The following PRKG1 variants were observed in gnomAD, a reference collection of about 807,000 sequenced individuals.
The protein encoded by PRKG1 is protein kinase cGMP-dependent 1.
PRKG1 carries 35 observed loss-of-function variants against 88.1 expected under a neutral mutation model. That is an observed-to-expected ratio of 0.40 (90% CI 0.30 to 0.53). PRKG1 has a LOEUF of 0.53. Among genes scored for constraint, PRKG1 ranks in the 20% least tolerant of loss-of-function variants. PRKG1 has a pLI of 0.59. For synonymous variants in PRKG1, 303 were observed against 292.5 expected, an observed-to-expected ratio of 1.04 and a Z score of -0.37; for missense variants, 540 against 839.8, an observed-to-expected ratio of 0.64 and a Z score of 4.41.
intron 2 of PRKG1, among the ~76,000 whole-genome samples, chr10:51,235,312 T>A (rs532906501): frequency 8.0e-4 from 122 of 152,340 alleles, no homozygotes; most frequent in African/African-American, 2.9e-3. Flanking sequence ...TTGGACACAA[T>A]GGCAGATTTT....
chr10:52,070,613 C>T (rs963659935), intron 7 of PRKG1, among the ~76,000 whole-genome samples: 4 of 152,060 alleles, frequency 2.6e-5, no homozygotes, highest in African/African-American at 7.2e-5. Context: ...CTTTTAGTGG[C>T]CTAGACCTAA....
chr10:52,246,876 CAAA>C (rs756775020), intron 9 of PRKG1, among the ~76,000 whole-genome samples: 1 of 57,222 alleles, frequency 1.7e-5, no homozygotes, highest in Non-Finnish European at 3.2e-5. Context: ...AACACAGTCT[CAAA>C]AAAAAAAAAA....
chr10:52,157,054 A>G (rs910411439), intron 8 of PRKG1, among the ~76,000 whole-genome samples: 1 of 151,402 alleles, frequency 6.6e-6, no homozygotes, highest in African/African-American at 2.4e-5. Context: ...AAATGTAAAA[A>G]AGAAAAAATC....
chr10:51,234,497 G>A (rs1015801336), intron 2 of PRKG1, among the ~76,000 whole-genome samples: 46 of 152,104 alleles, frequency 3.0e-4, no homozygotes, highest in South Asian at 2.1e-4. Flanking sequence ...ATCAGCCTTA[G>A]ATTTGATAGC....
chr10:51,820,414 G>A (rs1394901476), intron 4 of PRKG1, among the ~76,000 whole-genome samples: 1 of 152,180 alleles, frequency 6.6e-6, no homozygotes, highest in Non-Finnish European at 1.5e-5. Flanking sequence ...GCATTAGAAT[G>A]AAAGACAACA....
intron 3 of PRKG1, among the ~76,000 whole-genome samples, chr10:51,739,095 T>G (rs1837366148): frequency 6.6e-6 from 1 of 152,238 alleles, no homozygotes; most frequent in South Asian, 2.1e-4. Context: ...ATTTTCATTT[T>G]GCTCTGTGCT....
rs374002668 is a variant in PRKG1 at position 52,006,108 on chromosome 10, A to AC, written c.763-48375dup. Among the ~76,000 whole-genome samples, 1,281 of 151,914 alleles carry AC rather than the reference A, an allele frequency of 8.4e-3. 24 individuals are homozygous for AC. Among genetic ancestry groups the AC allele is most frequent in the African/African-American group, 0.029 (1,220 of 41,418 alleles). On this transcript the variant is annotated intron_variant, in intron 5 of 17. Coordinates refer to ENST00000373980, the MANE Select transcript of PRKG1 (RefSeq NM_006258.4). Reference sequence around the variant, plus strand: ...CAAAACAAACAAACAAACAAAAAAAACAAGTCTATCAAAAAGACAGCAACT... The same window carrying AC: ...CAAAACAAACAAACAAACAAAAAAAACCAAGTCTATCAAAAAGACAGCAACT...
chr10:51,260,913 T>C (rs1002096975), intron 2 of PRKG1, among the ~76,000 whole-genome samples: 2 of 152,226 alleles, frequency 1.3e-5, no homozygotes, highest in Non-Finnish European at 2.9e-5. Context: ...AAGTACACTA[T>C]ATGTCTGTTT....
At chr10:52,066,010 C>A (rs193052564) in intron 7 of PRKG1, among the ~76,000 whole-genome samples, 98 of 152,242 alleles carry the variant, frequency 6.4e-4, no homozygotes, top group Admixed American at 2.6e-3. Context: ...TCACATCTAC[C>A]CCTTACCCCC....
At chr10:51,612,427 G>A (rs770068792) in intron 3 of PRKG1, among the ~76,000 whole-genome samples, 2 of 151,752 alleles carry the variant, frequency 1.3e-5, no homozygotes, top group African/African-American at 2.4e-5. Flanking sequence ...TTCTTTTTCA[G>A]TGATTTCATT....
At chr10:51,791,738 G>T (rs1435919084) in intron 3 of PRKG1, among the ~76,000 whole-genome samples, 1 of 152,064 alleles carries the variant, frequency 6.6e-6, no homozygotes, top group Admixed American at 6.6e-5. Context: ...CAGACATTTA[G>T]AGGGGGAAAA....
intron 5 of PRKG1, among the ~76,000 whole-genome samples, chr10:51,973,254 C>T (rs998929559): frequency 6.6e-6 from 1 of 152,180 alleles, no homozygotes; most frequent in Non-Finnish European, 1.5e-5. Context: ...TTCCAGCAAG[C>T]TACACTCAAC....
At chr10:51,940,258 C>G (rs929122719) in intron 5 of PRKG1, among the ~76,000 whole-genome samples, 1 of 151,556 alleles carries the variant, frequency 6.6e-6, no homozygotes. Context: ...TCAGGAAAAC[C>G]CTTCTCTTAT....
At chr10:51,598,205 C>G (rs1838505757) in intron 3 of PRKG1, among the ~76,000 whole-genome samples, 1 of 151,962 alleles carries the variant, frequency 6.6e-6, no homozygotes, top group East Asian at 1.9e-4. Context: ...CATCTAAAGA[C>G]TACTGAAAAC....
intron 10 of PRKG1, among the ~76,000 whole-genome samples, chr10:52,253,776 T>C (rs530948656): frequency 6.6e-6 from 1 of 152,166 alleles, no homozygotes; most frequent in Admixed American, 6.6e-5. Flanking sequence ...ATTGGAACTA[T>C]AGCCCACTTT....
chr10:52,032,563 T>A (rs1332059694), intron 5 of PRKG1, among the ~76,000 whole-genome samples: 1 of 152,220 alleles, frequency 6.6e-6, no homozygotes, highest in African/African-American at 2.4e-5. Context: ...TAAAAGTGAA[T>A]ATTTATAGTT....
intron 3 of PRKG1, among the ~76,000 whole-genome samples, chr10:51,716,850 G>A (rs1239282828): frequency 2.0e-5 from 3 of 152,008 alleles, no homozygotes; most frequent in Admixed American, 6.6e-5. Flanking sequence ...AGGCCACCAC[G>A]CCCGCCTGGC....
At chr10:51,610,544 T>A (rs2132243258) in intron 3 of PRKG1, among the ~76,000 whole-genome samples, 2 of 152,314 alleles carry the variant, frequency 1.3e-5, no homozygotes, top group South Asian at 4.1e-4. Flanking sequence ...CATTTGTTGA[T>A]AGACACTTAG....
chr10:51,520,711 C>G (rs1211147346), intron 3 of PRKG1, among the ~76,000 whole-genome samples: 1 of 152,124 alleles, frequency 6.6e-6, no homozygotes, highest in Non-Finnish European at 1.5e-5. Flanking sequence ...ACTCTACAAT[C>G]CTATGAATGA....
Sources: allele counts gnomAD v4.1 joint callset (sites outside exome capture counted in the v4.1 genomes callset), GRCh38; gene constraint gnomAD v4.1.1; transcripts MANE v1.5; gene names NCBI Gene and HGNC (gene_info 2026-07-23, HGNC 2026-07-21).